The following UBE3C variants were observed in gnomAD, a reference collection of about 807,000 sequenced individuals.
The protein encoded by UBE3C is ubiquitin-protein ligase E3C.
Under a neutral mutation model 129.4 loss-of-function variants are expected in UBE3C, and 42 were observed. The ratio of observed to expected loss-of-function variants is 0.32; its 90% CI spans 0.25 to 0.42. The LOEUF (loss-of-function observed/expected upper bound fraction) is 0.42. UBE3C is among the 10% of genes least tolerant of loss of function. The pLI is 1.00. For missense variants in UBE3C, 1,049 were observed against 1,319.1 expected (o/e 0.80, Z 3.17); for synonymous variants, 510 against 492.4 (o/e 1.04, Z -0.47).
intron 2 of UBE3C, among the ~76,000 whole-genome samples, chr7:157,165,057 C>T (rs1808176889): frequency 6.6e-6 from 1 of 152,164 alleles, no homozygotes; most frequent in African/African-American, 2.4e-5. Context: ...GCCAGTAGCA[C>T]TCCGTTACCT....
At chr7:157,173,350 T>A (rs919612955) in intron 4 of UBE3C, among the ~76,000 whole-genome samples, 1 of 152,106 alleles carries the variant, frequency 6.6e-6, no homozygotes, top group African/African-American at 2.4e-5. Context: ...CACTCCAGCC[T>A]GGGCGGTTGA....
At chr7:157,223,465 A>T in intron 16 of UBE3C, 114 bp downstream of exon 16, 3 of 848,314 alleles carry the variant, frequency 3.5e-6, no homozygotes, top group Non-Finnish European at 5.4e-6. Context: ...ATTACATAAC[A>T]TACTTTTCTC....
intron 17 of UBE3C, among the ~76,000 whole-genome samples, chr7:157,227,648 C>T (rs981451224): frequency 6.6e-6 from 1 of 151,658 alleles, no homozygotes; most frequent in Non-Finnish European, 1.5e-5. Flanking sequence ...TGCAGTGAGC[C>T]GAGATCGCAC....
At chr7:157,180,391 G>A (rs1351834188) in intron 6 of UBE3C, among the ~76,000 whole-genome samples, 2 of 152,130 alleles carry the variant, frequency 1.3e-5, no homozygotes, top group Non-Finnish European at 2.9e-5. Context: ...TAGCAAAAGA[G>A]CTTTCAAGCT....
chr7:157,162,478 C>T (rs1586653764), intron 1 of UBE3C, among the ~76,000 whole-genome samples: 1 of 152,128 alleles, frequency 6.6e-6, no homozygotes, highest in East Asian at 1.9e-4. Context: ...CAGGCGTGAG[C>T]CACCGTGCCC....
chr7:157,211,167 G>GGAGAGAGAGAGAGA (rs3039783), intron 13 of UBE3C, among the ~76,000 whole-genome samples: 7,183 of 136,932 alleles, frequency 0.052, 491 homozygotes, highest in African/African-American at 0.13. Flanking sequence ...CCATATGTCT[G>GGAGAGAGAGAGAGA]GAGAGAGAGA....
chr7:157,227,089 G>A (rs941543945), intron 17 of UBE3C, among the ~76,000 whole-genome samples: 1 of 152,156 alleles, frequency 6.6e-6, no homozygotes, highest in Non-Finnish European at 1.5e-5. Flanking sequence ...TTTATTTGGT[G>A]TACACAGCTG....
intron 10 of UBE3C, chr7:157,198,594 G>A (rs1204094846): frequency 3.8e-6 from 1 of 266,390 alleles, no homozygotes; most frequent in Non-Finnish European, 7.2e-6. Flanking sequence ...AAGTGCAGTG[G>A]CGCCATCTCG....
At position 157,207,473 on chromosome 7, in the gene UBE3C, A is replaced by T; in HGVS notation, c.1494A>T (p.Pro498=). Residue 498 remains proline, a synonymous_variant, in exon 12 of 23, where the codon CCA becomes CCT. Transcript: ENST00000348165. ...MSFEDSSRII[P]LFYLFSSLFS... ...TTGAAGATTCTAGTCGAATCATCCC[A>T]CTCTTTTATCTTTTTAGCTCCTTGT... 2 of 1,613,638 alleles carry T rather than the reference A, an allele frequency of 1.2e-6. No individual in the cohort carries two copies. Among genetic ancestry groups the T allele is most frequent in the Non-Finnish European group, 1.7e-6 (2 of 1,179,926 alleles).
chr7:157,228,508 T>G (rs1228680293), intron 17 of UBE3C, among the ~76,000 whole-genome samples: 1 of 152,198 alleles, frequency 6.6e-6, no homozygotes. Flanking sequence ...ACTTGTCTGC[T>G]TTTGTTGGTT....
chr7:157,157,987 T>TAG (rs58093796), intron 1 of UBE3C, among the ~76,000 whole-genome samples: 2,654 of 132,842 alleles, frequency 0.02, 45 homozygotes, highest in East Asian at 0.049. Context: ...TATATATATA[T>TAG]AGAGAGAGAG....
At chr7:157,161,049 G>A (rs895735840) in intron 1 of UBE3C, among the ~76,000 whole-genome samples, 2 of 152,190 alleles carry the variant, frequency 1.3e-5, no homozygotes, top group Non-Finnish European at 2.9e-5. Context: ...AAGATTGGAG[G>A]AAGATTAAGA....
At chr7:157,249,355 G>A (rs1290372632) in intron 19 of UBE3C, among the ~76,000 whole-genome samples, 3 of 150,848 alleles carry the variant, frequency 2.0e-5, no homozygotes, top group Non-Finnish European at 4.4e-5. Context: ...CACTCTTGTT[G>A]CCCAGGCTGG....
In UBE3C at chr7:157,207,688, G is replaced by T; in HGVS notation, c.1577-15G>T. Reference sequence around the variant, plus strand: ...TGGAAAAAGAAACAATAGAAAACTGGATTGTGTTTTTTAGTTGTAGGTCAA... The same window carrying T: ...TGGAAAAAGAAACAATAGAAAACTGTATTGTGTTTTTTAGTTGTAGGTCAA... On this transcript the variant is annotated splice_polypyrimidine_tract_variant and intron_variant, in intron 12 of 22. Transcript: ENST00000348165. The T allele has an allele frequency of 6.2e-7, 1 of 1,607,168 alleles. No homozygotes were observed. The highest frequency in any genetic ancestry group is 8.5e-7 in the Non-Finnish European group (1 of 1,177,826).
Position 157,233,348 on chromosome 7 carries a change from T to C in UBE3C, c.2481+2021T>C, listed in dbSNP as rs754477200. Among the ~76,000 whole-genome samples the C allele has an allele frequency of 4.9e-4, 74 of 152,234 alleles. 1 individual carries two copies. Among genetic ancestry groups the C allele is most frequent in the Non-Finnish European group, 7.8e-4 (53 of 68,046 alleles). ...CTCTGCCACCTAGGCTGGAGTGCAC[T>C]GCTACAAACACGGCTCAGTCCTGCG... On this transcript the variant is annotated intron_variant, in intron 18 of 22. Coordinates refer to ENST00000348165, the MANE Select transcript of UBE3C (RefSeq NM_014671.3).
chr7:157,139,567 G>A (rs1807370854), intron 1 of UBE3C, among the ~76,000 whole-genome samples: 1 of 151,924 alleles, frequency 6.6e-6, no homozygotes, highest in South Asian at 2.1e-4. Flanking sequence ...TCTGGCTGGG[G>A]CTTAGGACTG....
intron 18 of UBE3C, among the ~76,000 whole-genome samples, chr7:157,246,911 C>T (rs34246173): frequency 7.2e-5 from 11 of 152,296 alleles, no homozygotes; most frequent in South Asian, 2.1e-4. Flanking sequence ...TTTTTTGAGA[C>T]GGAGTTTTTG....
intron 1 of UBE3C, among the ~76,000 whole-genome samples, chr7:157,150,562 C>G (rs1023725146): frequency 1.3e-5 from 2 of 152,120 alleles, no homozygotes; most frequent in African/African-American, 4.8e-5. Flanking sequence ...TGTCTAAATA[C>G]AGGACATTTG....
At chr7:157,242,506 C>G (rs1016398604) in intron 18 of UBE3C, among the ~76,000 whole-genome samples, 1 of 118,436 alleles carries the variant, frequency 8.4e-6, no homozygotes, top group Non-Finnish European at 1.7e-5. Context: ...TGAGACTGAG[C>G]CTGAGTTGTT....
Sources: allele counts gnomAD v4.1 joint callset (sites outside exome capture counted in the v4.1 genomes callset), GRCh38; gene constraint gnomAD v4.1.1; transcripts MANE v1.5; gene names NCBI Gene and HGNC (gene_info 2026-07-23, HGNC 2026-07-21).